PTPRD: variants seen among roughly 807,000 people sequenced by gnomAD.
The protein encoded by PTPRD is receptor-type tyrosine-protein phosphatase delta.
A neutral mutation model predicts 214.5 loss-of-function variants in PTPRD; 34 were observed. The observed-to-expected ratio is 0.16, with a 90% CI of 0.12 to 0.21. PTPRD has a LOEUF of 0.21. Among genes scored for constraint, PTPRD ranks in the 10% least tolerant of loss-of-function variants. The pLI, the probability that PTPRD is intolerant of heterozygous loss-of-function variation, is 1.00. For synonymous variants in PTPRD, 1,128 were observed against 845.7 expected (o/e 1.33, Z -5.79); for missense variants, 2,545 against 2,398.7 (o/e 1.06, Z -1.27).
chr9:9,475,845 G>C (rs10816141), intron 8 of PTPRD, among the ~76,000 whole-genome samples: 86,901 of 152,006 alleles, frequency 0.57, 25,268 homozygotes, highest in East Asian at 0.68. Flanking sequence ...TTCTGATGCA[G>C]ATGGACTAAG....
intron 5 of PTPRD, among the ~76,000 whole-genome samples, chr9:9,832,101 T>C (rs1236224046): frequency 6.6e-6 from 1 of 152,036 alleles, no homozygotes; most frequent in Non-Finnish European, 1.5e-5. Context: ...GGGTAATAAC[T>C]TGCCTATAAT....
chr9:10,492,403 T>C (rs918173659), intron 2 of PTPRD, among the ~76,000 whole-genome samples: 3 of 152,068 alleles, frequency 2.0e-5, no homozygotes, highest in Admixed American at 6.6e-5. Context: ...ATGATTGCCA[T>C]TCTAGCTGGC....
At chr9:8,915,598 TAG>T (rs980426152) in intron 11 of PTPRD, among the ~76,000 whole-genome samples, 1 of 152,138 alleles carries the variant, frequency 6.6e-6, no homozygotes, top group Non-Finnish European at 1.5e-5. Flanking sequence ...GCTGGCAAGC[TAG>T]AGACCTAGGT....
intron 3 of PTPRD, among the ~76,000 whole-genome samples, chr9:10,115,588 A>G (rs1397962730): frequency 6.6e-6 from 1 of 152,048 alleles, no homozygotes; most frequent in African/African-American, 2.4e-5. Flanking sequence ...GTGTTTTAAG[A>G]CTTACATGAT....
intron 3 of PTPRD, among the ~76,000 whole-genome samples, chr9:10,056,368 C>T (rs2097648640): frequency 6.6e-6 from 1 of 150,664 alleles, no homozygotes; most frequent in Admixed American, 6.6e-5. Context: ...TCTGAAGATG[C>T]ACCTTTCTTC....
chr9:8,781,174 G>A (rs1159493397), intron 11 of PTPRD, among the ~76,000 whole-genome samples: 1 of 152,132 alleles, frequency 6.6e-6, no homozygotes, highest in Admixed American at 6.5e-5. Context: ...CTTCAAGACT[G>A]AAGGAATGAT....
intron 12 of PTPRD, among the ~76,000 whole-genome samples, chr9:8,732,134 C>T (rs1246976489): frequency 6.6e-6 from 1 of 152,194 alleles, no homozygotes; most frequent in Non-Finnish European, 1.5e-5. Flanking sequence ...CGGTTATCTG[C>T]AGAAAAGATT....
chr9:8,831,212 G>C (rs1178665509), intron 11 of PTPRD, among the ~76,000 whole-genome samples: 1 of 152,166 alleles, frequency 6.6e-6, no homozygotes, highest in East Asian at 1.9e-4. Context: ...CTCCAAAACT[G>C]TCATGAATTC....
intron 3 of PTPRD, among the ~76,000 whole-genome samples, chr9:10,208,478 C>G (rs1376151960): frequency 6.6e-6 from 1 of 152,218 alleles, no homozygotes; most frequent in Non-Finnish European, 1.5e-5. Context: ...CGCGCCACTG[C>G]ACTCCAGCCT....
chr9:9,295,727 G>T (rs1952775250), intron 9 of PTPRD, among the ~76,000 whole-genome samples: 1 of 151,802 alleles, frequency 6.6e-6, no homozygotes, highest in South Asian at 2.1e-4. Context: ...TTACTTCAAA[G>T]AGAAGCTTAA....
chr9:8,316,030 A>G lies in PTPRD; in HGVS notation c.*1844T>C. 4.4e-6 allele frequency: 1 copy of G among 228,210 alleles called. No homozygotes were observed. The highest frequency in any genetic ancestry group is 8.7e-6 in the Non-Finnish European group (1 of 114,666). The allele number at this position is 228,210 out of a possible 1,614,324, so 14.1% of individuals were successfully genotyped here. A position where few individuals can be genotyped will look rare whatever the true frequency, so the allele number is the denominator to read the frequency against. On this transcript the variant is annotated 3_prime_UTR_variant, in exon 46 of 46. Transcript: ENST00000381196. ...GTTGCCAATGATATTTGTTACTAAA[A>G]TAAGTTTGGTGCAGTTACTGCATGT...
chr9:9,815,441 T>C (rs2048451494), intron 5 of PTPRD, among the ~76,000 whole-genome samples: 1 of 152,102 alleles, frequency 6.6e-6, no homozygotes, highest in Admixed American at 6.6e-5. Context: ...AAAGTCTCCT[T>C]GAAATTGATC....
chr9:9,091,156 C>G (rs1360522386), intron 10 of PTPRD: 52 of 1,538,634 alleles, frequency 3.4e-5, no homozygotes, highest in Non-Finnish European at 3.8e-5. Flanking sequence ...AGTCAGGAAT[C>G]GATCTCGTGA....
chr9:8,659,919 T>C (rs1379106869), intron 12 of PTPRD, among the ~76,000 whole-genome samples: 1 of 152,082 alleles, frequency 6.6e-6, no homozygotes, highest in East Asian at 1.9e-4. Flanking sequence ...CAATGAAGAA[T>C]AAATGTAGAG....
intron 10 of PTPRD, among the ~76,000 whole-genome samples, chr9:9,066,737 C>T (rs1569524034): frequency 6.6e-6 from 1 of 152,124 alleles, no homozygotes; most frequent in Non-Finnish European, 1.5e-5. Context: ...ATGATACAGC[C>T]ATAAGCCCGA....
intron 12 of PTPRD, among the ~76,000 whole-genome samples, chr9:8,656,128 C>T (rs1392658342): frequency 6.6e-6 from 1 of 152,124 alleles, no homozygotes; most frequent in Non-Finnish European, 1.5e-5. Context: ...AACAGCCCCC[C>T]ACAACTGAAT....
At position 9,221,509 on chromosome 9, in the gene PTPRD, T is replaced by G. The variant is rs976023688; in HGVS notation, c.-202-38146A>C. Reference sequence around the variant, plus strand: ...GAGGCTGGGAAGCCTGAGATCAAGGTGCTGGCTGATTAGATCTCTGGAGAG... The same window carrying G: ...GAGGCTGGGAAGCCTGAGATCAAGGGGCTGGCTGATTAGATCTCTGGAGAG... On this transcript the variant is annotated intron_variant, in intron 9 of 45. Transcript: ENST00000381196. Among the ~76,000 whole-genome samples, 9 of 152,146 alleles carry G rather than the reference T, an allele frequency of 5.9e-5. No individual in the cohort carries two copies. In the South Asian group the frequency reaches 6.2e-4, roughly 11 times the overall value.
chr9:10,262,048 G>A (rs185383185), intron 3 of PTPRD, among the ~76,000 whole-genome samples: 9 of 152,116 alleles, frequency 5.9e-5, no homozygotes, highest in South Asian at 2.1e-4. Context: ...ATCAAAGGCC[G>A]AAGATGCTAC....
At chr9:9,451,617 G>C (rs2092204565) in intron 8 of PTPRD, among the ~76,000 whole-genome samples, 1 of 151,434 alleles carries the variant, frequency 6.6e-6, no homozygotes. Flanking sequence ...ATGAGAGAAA[G>C]TAGAAATAGA....
Sources: allele counts gnomAD v4.1 joint callset (sites outside exome capture counted in the v4.1 genomes callset), GRCh38; gene constraint gnomAD v4.1.1; transcripts MANE v1.5; gene names NCBI Gene and HGNC (gene_info 2026-07-23, HGNC 2026-07-21).